LIPA: variants seen among roughly 807,000 people sequenced by gnomAD.
LIPA encodes lysosomal acid lipase/cholesteryl ester hydrolase.
LIPA carries 26 observed loss-of-function variants against 40.6 expected under a neutral mutation model. The ratio of observed to expected loss-of-function variants is 0.64; its 90% confidence interval spans 0.47 to 0.89. The LOEUF is 0.89. Among genes scored for constraint, LIPA ranks in the 40% least tolerant of loss-of-function variants. LIPA has a pLI of 0.00. For missense variants in LIPA, 455 were observed against 479.6 expected, an observed-to-expected ratio of 0.95 and a Z score of 0.48; for synonymous variants, 188 against 168.4, an observed-to-expected ratio of 1.12 and a Z score of -0.90.
intron 6 of LIPA, 37 bp from the exon 7 acceptor site, chr10:89,223,867 T>A (rs980376900): frequency 3.7e-6 from 6 of 1,608,862 alleles, no homozygotes; most frequent in African/African-American, 1.3e-5. Context: ...CATCTCAGCA[T>A]TTCACTCTGG....
rs1435401804 is a variant in LIPA, at chr10:89,402,511, A to T, written c.61+10280T>A. The T allele has an allele frequency of 1.9e-6, 3 of 1,614,104 alleles. No homozygotes were observed. The Admixed American group carries it at 5.0e-5, about 27-fold the overall frequency. ...GCCCTGAAGAGCTTAAAAGAAGCTG[A>T]AAACTTAATGCAGGAAGAACATGAC... On this transcript the variant is annotated intron_variant, in intron 2 of 8. Coordinates refer to the LIPA transcript ENST00000371837.
At chr10:89,412,174 C>A (rs1841474259) in intron 2 of LIPA, among the ~76,000 whole-genome samples, 2 of 152,302 alleles carry the variant, frequency 1.3e-5, no homozygotes, top group Non-Finnish European at 2.9e-5. Context: ...CAGCCAAATT[C>A]CCATCAGCAA....
intron 2 of LIPA, among the ~76,000 whole-genome samples, chr10:89,361,842 GA>G (rs748257860): frequency 7.1e-5 from 9 of 127,152 alleles, no homozygotes; most frequent in South Asian, 2.6e-4. Context: ...CAGCTATGGG[GA>G]AAAAAAAATC....
At chr10:89,340,173 G>A in intron 1 of LIPA, 1 of 1,527,834 alleles carries the variant, frequency 6.5e-7, no homozygotes, top group African/African-American at 1.4e-5. Flanking sequence ...AGTGGTGGTT[G>A]TGACGGGTAG....
chr10:89,245,954 A>C lies in LIPA; in HGVS notation c.112-161T>G, dbSNP rs1843019407. ...AATCTAGTAGCCAACTTCTCATCAC[A>C]AGAGTAAATCCTCCCTTGTTTCACG... On this transcript the variant is annotated intron_variant, in intron 2 of 9. Transcript: ENST00000336233. Among the ~76,000 whole-genome samples the C allele has an allele frequency of 2.0e-5, 3 of 152,046 alleles. No individual in the cohort carries two copies. In the South Asian group the frequency reaches 6.2e-4, roughly 32 times the overall value.
At chr10:89,235,287 G>A (rs1425967416) in intron 3 of LIPA, among the ~76,000 whole-genome samples, 1 of 152,226 alleles carries the variant, frequency 6.6e-6, no homozygotes, top group African/African-American at 2.4e-5. Flanking sequence ...CAGGTCAAGG[G>A]CTGCCTTCCC....
At chr10:89,219,874 C>A (rs1202985211) in intron 8 of LIPA, among the ~76,000 whole-genome samples, 1 of 152,226 alleles carries the variant, frequency 6.6e-6, no homozygotes, top group Non-Finnish European at 1.5e-5. Flanking sequence ...CCTTGTACAG[C>A]AAATCTGGGC....
chr10:89,232,011 A>G (rs951333083), intron 3 of LIPA, among the ~76,000 whole-genome samples: 3 of 152,252 alleles, frequency 2.0e-5, no homozygotes, highest in African/African-American at 7.2e-5. Flanking sequence ...CTTGGCTTCA[A>G]TGAAGAGGAT....
chr10:89,312,467 A>G (rs567855209), intron 1 of LIPA, among the ~76,000 whole-genome samples: 2 of 152,196 alleles, frequency 1.3e-5, no homozygotes, highest in Non-Finnish European at 1.5e-5. Context: ...AATAATAATA[A>G]TTCAATAAAG....
At chr10:89,367,020 T>C (rs1305726955) in intron 2 of LIPA, among the ~76,000 whole-genome samples, 1 of 152,156 alleles carries the variant, frequency 6.6e-6, no homozygotes, top group East Asian at 1.9e-4. Context: ...CTCATGTCCT[T>C]CTTAGGGACA....
At chr10:89,334,026 G>A (rs1201445630) in intron 1 of LIPA, among the ~76,000 whole-genome samples, 1 of 152,206 alleles carries the variant, frequency 6.6e-6, no homozygotes. Flanking sequence ...GTTCCTTCAC[G>A]TAGTCAGTTG....
Position 89,350,623 on chromosome 10 carries a change from A to G in LIPA, c.61+62168T>C, listed in dbSNP as rs972544167. Among the ~76,000 whole-genome samples, 4 of 150,496 alleles carry G rather than the reference A, an allele frequency of 2.7e-5. No individual in the cohort carries two copies. In the South Asian group the frequency reaches 6.4e-4, roughly 24 times the overall value. On this transcript the variant is annotated intron_variant, in intron 2 of 8. Transcript: ENST00000371837. ...CCTGGCCTGAAGTTACCTTTTAAGC[A>G]TTTCTTGCAGGGGGTTGGGGGGAGA...
chr10:89,231,086 G>T (rs889592368), intron 3 of LIPA, among the ~76,000 whole-genome samples: 1 of 152,006 alleles, frequency 6.6e-6, no homozygotes, highest in Non-Finnish European at 1.5e-5. Flanking sequence ...TGACAGCATA[G>T]AAAAGCTTAT....
At position 89,384,746 on chromosome 10, in the gene LIPA, G is replaced by A. The variant is rs369427959; in HGVS notation, c.61+28045C>T. The A allele has an allele frequency of 6.3e-6, 10 of 1,580,540 alleles. No individual in the cohort carries two copies. In the African/African-American group the frequency reaches 1.4e-4, roughly 22 times the overall value. ...CTGAACCCTATATTTTAACATAGAG[G>A]TCACCATTATCCATTTAATGGTCTT... On this transcript the variant is annotated intron_variant, in intron 2 of 8. Coordinates refer to the LIPA transcript ENST00000371837.
At chr10:89,218,805 T>C (rs1169296332) in intron 8 of LIPA, among the ~76,000 whole-genome samples, 5 of 152,224 alleles carry the variant, frequency 3.3e-5, no homozygotes, top group African/African-American at 1.2e-4. Context: ...GCCACCTCTC[T>C]CTGAACTTTA....
At chr10:89,246,372 A>T (rs1262187532) in intron 2 of LIPA, among the ~76,000 whole-genome samples, 1 of 152,190 alleles carries the variant, frequency 6.6e-6, no homozygotes, top group Non-Finnish European at 1.5e-5. Context: ...TGGGATATGG[A>T]TAATTCAATT....
chr10:89,272,396 G>T (rs746053580), intron 1 of LIPA, among the ~76,000 whole-genome samples: 16 of 152,138 alleles, frequency 1.1e-4, no homozygotes, highest in Admixed American at 2.6e-4. Flanking sequence ...ATGGCCTCCA[G>T]CTCCATCCTT....
chr10:89,311,565 G>A (rs1197693084), intron 1 of LIPA, among the ~76,000 whole-genome samples: 1 of 148,026 alleles, frequency 6.8e-6, no homozygotes, highest in African/African-American at 2.5e-5. Flanking sequence ...CTACTTGTAC[G>A]TTTTTTGCAT....
chr10:89,402,466 TGAAAG>T (rs1472683567), intron 2 of LIPA: 3 of 1,614,060 alleles, frequency 1.9e-6, no homozygotes, highest in Admixed American at 1.7e-5. Context: ...GTGAAACACC[TGAAAG>T]GCCAGAATGA....
Sources: gnomAD v4.1 joint callset for allele counts (sites outside exome capture counted in the v4.1 genomes callset) on GRCh38, gnomAD v4.1.1 for gene constraint, MANE v1.5 for transcripts, NCBI Gene and HGNC (gene_info 2026-07-23, HGNC 2026-07-21) for gene names.